The following DHX29 variants were observed in gnomAD, a reference collection of about 807,000 sequenced individuals.
DHX29 encodes DExH-box helicase 29, also known as ATP-dependent RNA helicase DHX29.
Under a neutral mutation model 167.9 loss-of-function variants are expected in DHX29, and 79 were observed. The observed-to-expected ratio is 0.47, with a 90% CI of 0.39 to 0.57. The LOEUF is 0.57. Among genes scored for constraint, DHX29 ranks in the 20% least tolerant of loss-of-function variants. DHX29 has a pLI of 0.00. For synonymous variants in DHX29, 530 were observed against 546.0 expected, an observed-to-expected ratio of 0.97 and a Z score of 0.41; for missense variants, 1,347 against 1,593.4, an observed-to-expected ratio of 0.85 and a Z score of 2.63.
At chr5:55,293,526 CTAATT>C (rs201217113) in intron 6 of DHX29, among the ~76,000 whole-genome samples, 1,581 of 152,262 alleles carry the variant, frequency 0.01, 26 homozygotes, top group African/African-American at 0.035. Flanking sequence ...TTTCATTTCT[CTAATT>C]TAATCTACTT....
intron 1 of DHX29, among the ~76,000 whole-genome samples, chr5:55,298,954 C>T (rs1264517924): frequency 3.4e-5 from 5 of 147,174 alleles, no homozygotes; most frequent in South Asian, 4.3e-4. Context: ...GGCGTGAACC[C>T]GGGAAGCGGA....
chr5:55,303,057 C>T (rs903437267), intron 1 of DHX29, among the ~76,000 whole-genome samples: 19 of 151,926 alleles, frequency 1.3e-4, no homozygotes, highest in Middle Eastern at 3.4e-3. Flanking sequence ...ATATTTATTA[C>T]ATTAAAGTTG....
rs747189512 is a variant in DHX29, at chr5:55,285,427, G to A, written c.1233-11C>T. On this transcript the variant is annotated splice_polypyrimidine_tract_variant and intron_variant, in intron 9 of 26. Transcript: ENST00000251636. Reference sequence around the variant, plus strand: ...TTGATTACCCTAACCCTACAAAGAAGCAAACGCATTTTAAAAAAATAAAGT... The same window carrying A: ...TTGATTACCCTAACCCTACAAAGAAACAAACGCATTTTAAAAAAATAAAGT... 4 of 1,579,068 alleles carry A rather than the reference G, an allele frequency of 2.5e-6. No individual in the cohort carries two copies. The highest frequency in any genetic ancestry group is 1.9e-4 in the Middle Eastern group (1 of 5,328).
rs192882874 is a variant in DHX29 at position 55,280,258 on chromosome 5, G to T, written c.2109+1114C>A. Among the ~76,000 whole-genome samples, 4 of 152,136 alleles carry T rather than the reference G, an allele frequency of 2.6e-5. No homozygotes were observed. In the East Asian group the frequency reaches 7.7e-4, roughly 29 times the overall value. On this transcript the variant is annotated intron_variant, in intron 12 of 26. Coordinates refer to ENST00000251636, the MANE Select transcript of DHX29 (RefSeq NM_019030.4). ...ATTCAGTTAACTGTGTCTACAAATG[G>T]CTAATACAAAACCATGAAAGAACAC...
In DHX29 at chr5:55,307,680, C is replaced by A. The variant is rs1561178968; in HGVS notation, c.-107G>T. 7.7e-6 allele frequency: 11 copies of A among 1,432,634 alleles called. No individual in the cohort carries two copies. The highest frequency in any genetic ancestry group is 9.5e-6 in the Non-Finnish European group (10 of 1,053,812). 88.7% of individuals were successfully genotyped at this position (1,432,634 alleles called of 1,614,324 possible). A position where few individuals can be genotyped will look rare whatever the true frequency, so the allele number is the denominator to read the frequency against. On this transcript the variant is annotated 5_prime_UTR_variant, in exon 1 of 27. Transcript: ENST00000251636. Reference sequence around the variant, plus strand: ...GCTCCGGGGCTGCCACCCTGCGCTTCGATCCGGGCTTCTCGGGCCGGGGCG... The same window carrying A: ...GCTCCGGGGCTGCCACCCTGCGCTTAGATCCGGGCTTCTCGGGCCGGGGCG...
chr5:55,302,245 G>C (rs1748642324), intron 1 of DHX29, among the ~76,000 whole-genome samples: 1 of 152,058 alleles, frequency 6.6e-6, no homozygotes, highest in African/African-American at 2.4e-5. Context: ...TAGTAAGCTT[G>C]TGCACAAATT....
intron 1 of DHX29, among the ~76,000 whole-genome samples, chr5:55,306,345 T>A (rs1748859890): frequency 6.6e-6 from 1 of 152,202 alleles, no homozygotes; most frequent in Non-Finnish European, 1.5e-5. Flanking sequence ...CCTGGAATAC[T>A]AATTTCTGCC....
chr5:55,271,284 G>A (rs1219331925), intron 18 of DHX29, among the ~76,000 whole-genome samples: 1 of 152,148 alleles, frequency 6.6e-6, no homozygotes, highest in Non-Finnish European at 1.5e-5. Flanking sequence ...TGAAAATTCA[G>A]TTACAGTTAC....
At chr5:55,278,004 T>C (rs765738554) in intron 12 of DHX29, among the ~76,000 whole-genome samples, 7 of 151,874 alleles carry the variant, frequency 4.6e-5, no homozygotes, top group African/African-American at 9.7e-5. Context: ...AAAACTATAC[T>C]GTCACCATTA....
rs757908337 is a variant in DHX29, at chr5:55,281,472, C to G, written c.2009G>C (p.Cys670Ser). 6.3e-7 allele frequency: 1 copy of G among 1,596,564 alleles called. No homozygotes were observed. The highest frequency in any genetic ancestry group is 1.4e-5 in the African/African-American group (1 of 74,072). The change falls in exon 12 of 27, where the codon TGT becomes TCT. Residue 670 changes from cysteine to serine, a missense_variant. Coordinates refer to ENST00000251636, the MANE Select transcript of DHX29 (RefSeq NM_019030.4). ...GYQIRMESRA[C>S]ESTRLLYCTT... Reference sequence around the variant, plus strand: ...ACAATAGAGTAACCTGGTAGATTCACAAGCTCGAGATTCCATCCGGATCTG... The same window carrying G: ...ACAATAGAGTAACCTGGTAGATTCAGAAGCTCGAGATTCCATCCGGATCTG...
chr5:55,298,065 T>C (rs1449103547), intron 2 of DHX29, among the ~76,000 whole-genome samples: 1 of 152,060 alleles, frequency 6.6e-6, no homozygotes, highest in Non-Finnish European at 1.5e-5. Flanking sequence ...AGACAAATTA[T>C]AACCCAGCAT....
rs375425186 is a variant in DHX29 at position 55,275,551 on chromosome 5, AGAT to A, written c.2428-544_2428-542del. Reference sequence around the variant, plus strand: ...GTCTATCTGCTTAATTAAAATATAAAGATAACTTTGTTTTCATCAAATTGGAAA... The same window carrying A: ...GTCTATCTGCTTAATTAAAATATAAAAACTTTGTTTTCATCAAATTGGAAA... On this transcript the variant is annotated intron_variant, in intron 14 of 26. Transcript: ENST00000251636. Among the ~76,000 whole-genome samples, 204 of 152,332 alleles carry A rather than the reference AGAT, an allele frequency of 1.3e-3. 2 individuals are homozygous for A. The Middle Eastern group carries it at 0.024, about 18-fold the overall frequency.
At chr5:55,274,160 A>T (rs943888540) in intron 16 of DHX29, among the ~76,000 whole-genome samples, 7 of 151,408 alleles carry the variant, frequency 4.6e-5, no homozygotes, top group African/African-American at 1.7e-4. Flanking sequence ...TTGGTAGGCC[A>T]TGGTGAGAAG....
chr5:55,263,951 G>A (rs1001788499), intron 23 of DHX29, among the ~76,000 whole-genome samples: 1 of 151,336 alleles, frequency 6.6e-6, no homozygotes, highest in Non-Finnish European at 1.5e-5. Context: ...TAAAATATGA[G>A]TATATAAAGG....
chr5:55,258,570 G>A (rs1043827393), intron 26 of DHX29, among the ~76,000 whole-genome samples: 4 of 152,112 alleles, frequency 2.6e-5, no homozygotes, highest in African/African-American at 9.7e-5. Context: ...ACTGCACTGG[G>A]CAAACTGCAA....
chr5:55,307,256 G>A, intron 1 of DHX29, 131 bp downstream of exon 1: 1 of 760,144 alleles, frequency 1.3e-6, no homozygotes, highest in Non-Finnish European at 2.1e-6. Flanking sequence ...ACCCCATGGG[G>A]AGGTAGCAGC....
intron 1 of DHX29, among the ~76,000 whole-genome samples, chr5:55,303,557 T>C (rs1239084705): frequency 6.6e-6 from 1 of 152,184 alleles, no homozygotes; most frequent in Non-Finnish European, 1.5e-5. Context: ...CTAAAGTTTC[T>C]CCTCTACTTA....
intron 26 of DHX29, among the ~76,000 whole-genome samples, chr5:55,258,968 C>T (rs1200925511): frequency 6.6e-6 from 1 of 152,098 alleles, no homozygotes; most frequent in African/African-American, 2.4e-5. Context: ...CAGAAAGTCC[C>T]TAATCATACA....
Position 55,281,080 on chromosome 5 carries a change from C to T in DHX29, c.2109+292G>A, listed in dbSNP as rs76721358. Among the ~76,000 whole-genome samples, 69 of 149,684 alleles carry T rather than the reference C, an allele frequency of 4.6e-4. 1 individual carries two copies. Among genetic ancestry groups the T allele is most frequent in the African/African-American group, 1.4e-3 (57 of 40,958 alleles). Reference sequence around the variant, plus strand: ...ATGTATATACACACACACACACACACGCTATATATAACCCTTTGAATAGCA... The same window carrying T: ...ATGTATATACACACACACACACACATGCTATATATAACCCTTTGAATAGCA... On this transcript the variant is annotated intron_variant, in intron 12 of 26. Transcript: ENST00000251636.
Sources: allele counts gnomAD v4.1 joint callset (sites outside exome capture counted in the v4.1 genomes callset), GRCh38; gene constraint gnomAD v4.1.1; transcripts MANE v1.5; gene names NCBI Gene and HGNC (gene_info 2026-07-23, HGNC 2026-07-21).